The following SKI variants were observed in gnomAD, a reference collection of about 807,000 sequenced individuals.
The protein encoded by SKI is SKI proto-oncogene.
Under a neutral mutation model 59.3 loss-of-function variants are expected in SKI, and 23 were observed. The observed-to-expected ratio is 0.39, with a 90% CI of 0.28 to 0.55. The LOEUF is 0.55. Ranked by LOEUF, SKI falls within the 20% of genes least tolerant of loss-of-function variation. The probability of loss-of-function intolerance (pLI) is 0.67; values close to 1 mark genes in which losing one functional copy is unlikely to be tolerated. For synonymous variants in SKI, 673 were observed against 488.6 expected, an observed-to-expected ratio of 1.38 and a Z score of -4.98; for missense variants, 1,017 against 1,038.9, an observed-to-expected ratio of 0.98 and a Z score of 0.29.
At chr1:2,260,563 CAG>C (rs1391771941) in intron 1 of SKI, among the ~76,000 whole-genome samples, 1 of 42,326 alleles carries the variant, frequency 2.4e-5, no homozygotes. Flanking sequence ...TTTTTTGAGA[CAG>C]GGTGTGGTTC....
intron 1 of SKI, among the ~76,000 whole-genome samples, chr1:2,248,454 G>T (rs1262671079): frequency 1.3e-5 from 2 of 152,234 alleles, no homozygotes; most frequent in Non-Finnish European, 2.9e-5. Context: ...CCAGTGGAGG[G>T]TCCTCACTTT....
chr1:2,281,148 C>T (rs796759229), intron 1 of SKI, among the ~76,000 whole-genome samples: 1,538 of 4,256 alleles, frequency 0.36, 622 homozygotes, highest in Non-Finnish European at 0.49. Flanking sequence ...CAGGCGGTGG[C>T]GGAGATCTTC....
At chr1:2,304,695 G>T in intron 5 of SKI, 110 bp downstream of exon 5, 1 of 1,438,552 alleles carries the variant, frequency 7.0e-7, no homozygotes, top group Non-Finnish European at 9.1e-7. Flanking sequence ...TGCCCCATGC[G>T]CTCCTCTCTG....
At chr1:2,243,286 C>T (rs902559406) in intron 1 of SKI, among the ~76,000 whole-genome samples, 2 of 152,240 alleles carry the variant, frequency 1.3e-5, no homozygotes, top group Admixed American at 6.5e-5. Flanking sequence ...GCTGGCTGCA[C>T]GAGATGTCAG....
Position 2,303,126 on chromosome 1 carries a change from C to A in SKI, c.1095+23C>A. The A allele has an allele frequency of 6.2e-7, 1 of 1,612,866 alleles. No homozygotes were observed. Among genetic ancestry groups the A allele is most frequent in the Non-Finnish European group, 8.5e-7 (1 of 1,179,954 alleles). On this transcript the variant is annotated intron_variant, in intron 2 of 6. Transcript: ENST00000378536. This position sits in a 1 kb window ranked among gnomAD's most constrained non-coding sequence, Gnocchi z 5.6. ...AAGGTGCTGTGGGGCCTGTCGGGGT[C>A]CTTGGGGTGGTGGGTACTGGGCCCT...
In SKI at chr1:2,307,635, C is replaced by G. The variant is rs763124596; in HGVS notation, c.*870C>G. On this transcript the variant is annotated 3_prime_UTR_variant, in exon 7 of 7. Transcript: ENST00000378536. Reference sequence around the variant, plus strand: ...TTTTCAGTTCGGCAAACGTCGCTCCCTTCATTTTGGGACTGAGGCTGCAGC... The same window carrying G: ...TTTTCAGTTCGGCAAACGTCGCTCCGTTCATTTTGGGACTGAGGCTGCAGC... 3 of 152,650 alleles carry G rather than the reference C, an allele frequency of 2.0e-5. No individual in the cohort carries two copies. Among genetic ancestry groups the G allele is most frequent in the South Asian group, 4.1e-4 (2 of 4,832 alleles). 9.5% of individuals were successfully genotyped at this position (152,650 alleles called of 1,614,324 possible).
chr1:2,252,923 C>G (rs1462522084), intron 1 of SKI, among the ~76,000 whole-genome samples: 2 of 152,004 alleles, frequency 1.3e-5, no homozygotes, highest in Non-Finnish European at 2.9e-5. Context: ...TGGCAAAACT[C>G]CATCTCTACT....
At chr1:2,300,568 G>C (rs973079728) in intron 1 of SKI, among the ~76,000 whole-genome samples, 5 of 152,234 alleles carry the variant, frequency 3.3e-5, no homozygotes, top group African/African-American at 1.2e-4. Flanking sequence ...GCTTCCTGGG[G>C]CTTTGAGAAA....
chr1:2,250,690 G>A (rs1639125834), intron 1 of SKI, among the ~76,000 whole-genome samples: 1 of 152,252 alleles, frequency 6.6e-6, no homozygotes, highest in South Asian at 2.1e-4. Flanking sequence ...GTGTGACCGT[G>A]ACACGGTGAC....
At chr1:2,280,652 C>CGCCCG (rs1639858533) in intron 1 of SKI, among the ~76,000 whole-genome samples, 1 of 111,988 alleles carries the variant, frequency 8.9e-6, no homozygotes, top group Non-Finnish European at 1.9e-5. Context: ...AGAGAGAGGA[C>CGCCCG]ACCCGAGAAG....
intron 1 of SKI, among the ~76,000 whole-genome samples, chr1:2,279,581 G>T (rs539229491): frequency 6.6e-6 from 1 of 152,116 alleles, no homozygotes; most frequent in African/African-American, 2.4e-5. Flanking sequence ...TGCAGGGGGA[G>T]GGGGGAGGGG....
intron 1 of SKI, among the ~76,000 whole-genome samples, chr1:2,272,903 T>A (rs1639657667): frequency 6.6e-6 from 1 of 152,124 alleles, no homozygotes. Flanking sequence ...GCGTCTGTGC[T>A]TCTTCCAGGC....
chr1:2,238,389 G>A (rs1638796721), intron 1 of SKI, among the ~76,000 whole-genome samples: 1 of 152,028 alleles, frequency 6.6e-6, no homozygotes, highest in Non-Finnish European at 1.5e-5. Flanking sequence ...CGGCGGCCCT[G>A]CGTGGACCTA....
In SKI at chr1:2,308,453, T is replaced by C. The variant is rs1340294505; in HGVS notation, c.*1688T>C. 2 of 152,228 alleles carry C rather than the reference T, an allele frequency of 1.3e-5. No individual in the cohort carries two copies. Among genetic ancestry groups the C allele is most frequent in the African/African-American group, 4.8e-5 (2 of 41,438 alleles). 9.4% of individuals were successfully genotyped at this position (152,228 alleles called of 1,614,324 possible). On this transcript the variant is annotated 3_prime_UTR_variant, in exon 7 of 7. Transcript: ENST00000378536. ...GCGTTTGTTTGGAATTTTCTTTGCT[T>C]TTGTTTTCTTTGCGGTTGTTCTGTG...
chr1:2,240,664 G>A, intron 1 of SKI: 1 of 985,398 alleles, frequency 1.0e-6, no homozygotes, highest in Non-Finnish European at 1.2e-6. Flanking sequence ...GGAATTCTTC[G>A]AAGTGAAGCT....
At chr1:2,263,118 C>G (rs535170650) in intron 1 of SKI, among the ~76,000 whole-genome samples, 1 of 152,230 alleles carries the variant, frequency 6.6e-6, no homozygotes, top group South Asian at 2.1e-4. Context: ...TCAGGCTGGT[C>G]CCGAACTCCT....
intron 1 of SKI, among the ~76,000 whole-genome samples, chr1:2,255,891 C>A (rs879847663): frequency 6.6e-6 from 1 of 151,692 alleles, no homozygotes; most frequent in African/African-American, 2.4e-5. Flanking sequence ...CTCTCTCTGT[C>A]CTGACCTCAT....
At chr1:2,287,970 C>G (rs532961408) in intron 1 of SKI, among the ~76,000 whole-genome samples, 92 of 152,148 alleles carry the variant, frequency 6.0e-4, no homozygotes, top group South Asian at 4.1e-3. Context: ...TCTCGTCTGT[C>G]TTTTTTCTTT....
rs150383271 is a variant in SKI at position 2,272,078 on chromosome 1, C to T, written c.970-30900C>T. Among the ~76,000 whole-genome samples the T allele has an allele frequency of 7.2e-5, 11 of 152,336 alleles. No individual in the cohort carries two copies. In the East Asian group the frequency reaches 1.9e-3, roughly 27 times the overall value. On this transcript the variant is annotated intron_variant, in intron 1 of 6. Transcript: ENST00000378536. ...TGCCCGCCCCAGGCCACCTTGCTCT[C>T]TCTCCAGGCCTGCGTCCTGCAAAGA...
Sources: allele counts gnomAD v4.1 joint callset (sites outside exome capture counted in the v4.1 genomes callset), GRCh38; gene constraint gnomAD v4.1.1; non-coding constraint Gnocchi (gnomAD v3.1); transcripts MANE v1.5; gene names NCBI Gene and HGNC (gene_info 2026-07-23, HGNC 2026-07-21).